The following ATG10 variants were observed in gnomAD, a reference collection of about 807,000 sequenced individuals.
ATG10 encodes the protein ubiquitin-like-conjugating enzyme ATG10.
Under a neutral mutation model 32.1 loss-of-function variants are expected in ATG10, and 30 were observed. That is an observed-to-expected ratio of 0.94 (90% CI 0.70 to 1.27). ATG10 has a LOEUF of 1.27. Ranked by LOEUF, ATG10 falls within the 50% of genes most tolerant of loss-of-function variation. The probability of loss-of-function intolerance (pLI) is 0.00; values close to 1 mark genes in which losing one functional copy is unlikely to be tolerated. For missense variants in ATG10, 233 were observed against 262.3 expected, an observed-to-expected ratio of 0.89 and a Z score of 0.77; for synonymous variants, 87 against 91.5, an observed-to-expected ratio of 0.95 and a Z score of 0.28.
chr5:82,106,972 G>C (rs935444249), intron 3 of ATG10, among the ~76,000 whole-genome samples: 1 of 151,988 alleles, frequency 6.6e-6, no homozygotes, highest in African/African-American at 2.4e-5. Flanking sequence ...AGGAAAATAT[G>C]TTCCAAAAGA....
At chr5:82,001,724 C>T (rs1012073540) in intron 2 of ATG10, among the ~76,000 whole-genome samples, 2 of 152,086 alleles carry the variant, frequency 1.3e-5, no homozygotes, top group African/African-American at 2.4e-5. Flanking sequence ...GGACGTAGAA[C>T]TGGGCAAAGA....
chr5:82,089,053 A>G (rs1764791165), intron 3 of ATG10, among the ~76,000 whole-genome samples: 1 of 152,194 alleles, frequency 6.6e-6, no homozygotes, highest in South Asian at 2.1e-4. Flanking sequence ...CTACAGTAAT[A>G]AAGATTGTGT....
At chr5:82,190,643 C>T (rs901728928) in intron 5 of ATG10, among the ~76,000 whole-genome samples, 1 of 151,278 alleles carries the variant, frequency 6.6e-6, no homozygotes, top group Non-Finnish European at 1.5e-5. Context: ...TGGTGGCGGG[C>T]GCCTGTAGTG....
chr5:82,133,541 G>A (rs1395643517), intron 3 of ATG10, among the ~76,000 whole-genome samples: 1 of 151,918 alleles, frequency 6.6e-6, no homozygotes, highest in African/African-American at 2.4e-5. Flanking sequence ...GTAGATGTGT[G>A]GTGTTATTTC....
At chr5:82,253,563 C>T (rs1747348067) in intron 7 of ATG10, 134 bp downstream of exon 7, 1 of 634,226 alleles carries the variant, frequency 1.6e-6, no homozygotes, top group Non-Finnish European at 2.8e-6. Context: ...TTTTAGTTTT[C>T]CAATCAGTCC....
At chr5:82,244,285 A>G (rs1388732151) in intron 5 of ATG10, among the ~76,000 whole-genome samples, 3 of 152,188 alleles carry the variant, frequency 2.0e-5, no homozygotes, top group Admixed American at 1.3e-4. Context: ...GTCAGGAACT[A>G]TCTTAGACAC....
At chr5:82,080,065 G>A (rs1173852311) in intron 3 of ATG10, among the ~76,000 whole-genome samples, 1 of 152,166 alleles carries the variant, frequency 6.6e-6, no homozygotes, top group Non-Finnish European at 1.5e-5. Context: ...ATTCTAACTG[G>A]TGTGAGATGG....
At chr5:81,992,988 C>T (rs1376082251) in intron 2 of ATG10, among the ~76,000 whole-genome samples, 1 of 152,014 alleles carries the variant, frequency 6.6e-6, no homozygotes, top group Non-Finnish European at 1.5e-5. Flanking sequence ...TTCTTGTTCC[C>T]CTACCTCTAA....
At chr5:81,984,352 G>GT (rs1668746167) in intron 1 of ATG10, among the ~76,000 whole-genome samples, 1 of 152,276 alleles carries the variant, frequency 6.6e-6, no homozygotes, top group South Asian at 2.1e-4. Context: ...AGGCAGGGAG[G>GT]TTGCAGTGAG....
At chr5:82,075,049 G>A (rs1455152176) in intron 3 of ATG10, among the ~76,000 whole-genome samples, 2 of 152,178 alleles carry the variant, frequency 1.3e-5, no homozygotes, top group Admixed American at 6.5e-5. Context: ...ACAGCTTCTT[G>A]TGGACCTAAG....
At chr5:82,081,863 T>C (rs544467485) in intron 3 of ATG10, among the ~76,000 whole-genome samples, 9 of 152,172 alleles carry the variant, frequency 5.9e-5, no homozygotes, top group Non-Finnish European at 1.0e-4. Context: ...CAGGATGATG[T>C]TGGCCTCATA....
chr5:82,237,153 G>T (rs1395391770), intron 5 of ATG10, among the ~76,000 whole-genome samples: 2 of 151,958 alleles, frequency 1.3e-5, no homozygotes, highest in Non-Finnish European at 2.9e-5. Flanking sequence ...ACAAAAATAG[G>T]CAATTTTTCT....
intron 5 of ATG10, among the ~76,000 whole-genome samples, chr5:82,200,684 C>A (rs1353555777): frequency 2.7e-5 from 4 of 150,316 alleles, no homozygotes; most frequent in Admixed American, 6.6e-5. Context: ...AAATTAGATT[C>A]TTTTATATTC....
At chr5:82,113,911 C>G (rs1427116317) in intron 3 of ATG10, among the ~76,000 whole-genome samples, 1 of 151,772 alleles carries the variant, frequency 6.6e-6, no homozygotes, top group East Asian at 1.9e-4. Flanking sequence ...TTGTATGTTA[C>G]AAATATTTTG....
chr5:81,973,848 T>C (rs886674509), intron 1 of ATG10, among the ~76,000 whole-genome samples: 3 of 152,258 alleles, frequency 2.0e-5, no homozygotes, highest in African/African-American at 7.2e-5. Flanking sequence ...GTTATTGATA[T>C]TTTAAATTGA....
At chr5:81,989,426 G>A (rs1391017793) in intron 2 of ATG10, among the ~76,000 whole-genome samples, 1 of 152,088 alleles carries the variant, frequency 6.6e-6, no homozygotes, top group African/African-American at 2.4e-5. Context: ...TTTATGCATA[G>A]TTCAGAGGGA....
intron 3 of ATG10, among the ~76,000 whole-genome samples, chr5:82,133,454 T>C (rs1193685850): frequency 6.6e-6 from 1 of 152,174 alleles, no homozygotes; most frequent in Non-Finnish European, 1.5e-5. Flanking sequence ...CTAGCCAGTT[T>C]CCCAACACCA....
chr5:82,252,694 T>C (rs757212202), intron 6 of ATG10, 35 bp downstream of exon 6: 2 of 1,268,918 alleles, frequency 1.6e-6, no homozygotes, highest in Non-Finnish European at 2.2e-6. Flanking sequence ...TGGCTTCTAC[T>C]CTGATTTTAA....
chr5:82,163,905 C>T (rs564693720), intron 3 of ATG10, among the ~76,000 whole-genome samples: 1 of 152,280 alleles, frequency 6.6e-6, no homozygotes, highest in African/African-American at 2.4e-5. Context: ...ACAAATTCAA[C>T]CTCTTGCAAA....
Sources: allele counts gnomAD v4.1 joint callset (sites outside exome capture counted in the v4.1 genomes callset), GRCh38; gene constraint gnomAD v4.1.1; transcripts MANE v1.5; gene names NCBI Gene and HGNC (gene_info 2026-07-23, HGNC 2026-07-21).